Variants in NAV3 observed in about 807,000 individuals in gnomAD.
NAV3 encodes neuron navigator 3, also known as pore membrane and/or filament interacting like protein 1.
Under a neutral mutation model 244.7 loss-of-function variants are expected in NAV3, and 87 were observed. The observed-to-expected ratio is 0.36, with a 90% CI of 0.30 to 0.42. The LOEUF (loss-of-function observed/expected upper bound fraction) is 0.42. Among genes scored for constraint, NAV3 ranks in the 20% least tolerant of loss-of-function variants. The probability of loss-of-function intolerance (pLI) is 1.00; values close to 1 mark genes in which losing one functional copy is unlikely to be tolerated. For missense variants in NAV3, 2,663 were observed against 2,893.3 expected (o/e 0.92, Z 1.83); for synonymous variants, 1,126 against 1,042.2 (o/e 1.08, Z -1.55).
At chr12:77,595,681 T>G (rs1007473018) in intron 2 of NAV3, among the ~76,000 whole-genome samples, 1 of 152,144 alleles carries the variant, frequency 6.6e-6, no homozygotes, top group South Asian at 2.1e-4. Context: ...AAAGAACATA[T>G]CTTACCAATT....
intron 2 of NAV3, among the ~76,000 whole-genome samples, chr12:77,728,776 G>A (rs762328108): frequency 4.6e-5 from 7 of 151,638 alleles, no homozygotes; most frequent in Non-Finnish European, 1.0e-4. Flanking sequence ...TGAACTACAC[G>A]GGTCCACTTA....
intron 23 of NAV3, among the ~76,000 whole-genome samples, chr12:78,165,276 G>C (rs973034872): frequency 1.7e-4 from 26 of 151,932 alleles, no homozygotes; most frequent in African/African-American, 5.6e-4. Context: ...AATATGATCT[G>C]ATTATCTTAT....
intron 2 of NAV3, among the ~76,000 whole-genome samples, chr12:77,692,195 CTG>C (rs1261200545): frequency 6.6e-6 from 1 of 151,886 alleles, no homozygotes; most frequent in Non-Finnish European, 1.5e-5. Flanking sequence ...TGAAATATAT[CTG>C]TTTATACAGT....
chr12:77,603,093 A>G lies in NAV3; in HGVS notation c.72+30827A>G, dbSNP rs114210587. The stretch of plus-strand genomic sequence containing the variant: ...TCTTATTAAGGGAATGGTAAAAACA[A>G]TGTTGGGTGCACCCTGAACCTTCTG... On this transcript the variant is annotated intron_variant, in intron 2 of 8. Coordinates refer to the NAV3 transcript ENST00000550042. 4.7e-3 allele frequency among the ~76,000 whole-genome samples: 721 copies of G among 152,072 alleles called. 4 individuals are homozygous for G. Among genetic ancestry groups the G allele is most frequent in the African/African-American group, 0.017 (687 of 41,530 alleles).
At chr12:77,745,492 A>G (rs773826050) in intron 2 of NAV3, among the ~76,000 whole-genome samples, 4 of 152,060 alleles carry the variant, frequency 2.6e-5, no homozygotes, top group African/African-American at 4.8e-5. Flanking sequence ...GGACACATGG[A>G]TATGAAGATA....
At chr12:78,025,615 A>AAG (rs1877914987) in intron 9 of NAV3, among the ~76,000 whole-genome samples, 1 of 150,792 alleles carries the variant, frequency 6.6e-6, no homozygotes, top group Non-Finnish European at 1.5e-5. Flanking sequence ...AAAAAAAAAA[A>AAG]AAAAAAAAGA....
intron 5 of NAV3, among the ~76,000 whole-genome samples, chr12:77,992,166 G>T (rs1871557500): frequency 6.6e-6 from 1 of 151,964 alleles, no homozygotes; most frequent in Admixed American, 6.6e-5. Flanking sequence ...ATCTATTTGA[G>T]AATAATATCA....
At chr12:77,817,827 T>C (rs1872579753) in intron 2 of NAV3, among the ~76,000 whole-genome samples, 1 of 152,168 alleles carries the variant, frequency 6.6e-6, no homozygotes, top group Admixed American at 6.6e-5. Flanking sequence ...CTAATTTTAA[T>C]CCTCAAAGGT....
intron 2 of NAV3, among the ~76,000 whole-genome samples, chr12:77,575,015 T>G (rs1869015180): frequency 6.7e-6 from 1 of 149,254 alleles, no homozygotes; most frequent in Admixed American, 6.7e-5. Flanking sequence ...TAAATATAAT[T>G]ATCTATTCCT....
chr12:77,944,428 G>A (rs190007244), intron 3 of NAV3, among the ~76,000 whole-genome samples: 1 of 152,066 alleles, frequency 6.6e-6, no homozygotes, highest in Non-Finnish European at 1.5e-5. Flanking sequence ...GCCTGAATGG[G>A]TAAGTAATTA....
chr12:78,199,288 T>C lies in NAV3; in HGVS notation c.6519-47T>C, dbSNP rs756441837. 10 of 1,326,862 alleles carry C rather than the reference T, an allele frequency of 7.5e-6. No individual in the cohort carries two copies. The African/African-American group carries it at 1.2e-4, about 16-fold the overall frequency. The allele number at this position is 1,326,862 out of a possible 1,614,324, so 82.2% of individuals were successfully genotyped here. A position where few individuals can be genotyped will look rare whatever the true frequency, so the allele number is the denominator to read the frequency against. On this transcript the variant is annotated intron_variant, in intron 36 of 39. Coordinates refer to ENST00000397909, the MANE Select transcript of NAV3 (RefSeq NM_001024383.2). ...TAATGATAAAGAATCACTGTGAATG[T>C]AAAATTTAATTTATATAAAAATGTC...
At chr12:77,578,073 A>G (rs1869175770) in intron 2 of NAV3, among the ~76,000 whole-genome samples, 1 of 152,214 alleles carries the variant, frequency 6.6e-6, no homozygotes, top group African/African-American at 2.4e-5. Context: ...GCCGATTTAA[A>G]GATATGTTAC....
chr12:78,021,577 A>C (rs182765745), intron 8 of NAV3, among the ~76,000 whole-genome samples, 170 bp from the exon 9 acceptor site: 2 of 152,318 alleles, frequency 1.3e-5, no homozygotes, highest in African/African-American at 4.8e-5. Flanking sequence ...GTTGTGTATG[A>C]AAAATAACAC....
intron 2 of NAV3, among the ~76,000 whole-genome samples, chr12:77,766,899 C>A (rs1256355472): frequency 6.6e-6 from 1 of 151,682 alleles, no homozygotes; most frequent in African/African-American, 2.4e-5. Flanking sequence ...GGATTACGGG[C>A]ACCCACCACC....
At chr12:77,572,501 C>T (rs956573443) in intron 2 of NAV3, among the ~76,000 whole-genome samples, 3 of 152,108 alleles carry the variant, frequency 2.0e-5, no homozygotes, top group Non-Finnish European at 2.9e-5. Context: ...ACTGTGTTCT[C>T]TCACTCTTGA....
At position 77,725,697 on chromosome 12, in the gene NAV3, T is replaced by C. The variant is rs1484438245; in HGVS notation, c.72+153431T>C. On this transcript the variant is annotated intron_variant, in intron 2 of 8. Transcript: ENST00000550042. The stretch of plus-strand genomic sequence containing the variant: ...TATTGTATTAGTTTCCTGTTGTTGC[T>C]ATAACAAAATATCACAAACTTGATG... 2.6e-5 allele frequency among the ~76,000 whole-genome samples: 4 copies of C among 152,006 alleles called. No homozygotes were observed. The East Asian group carries it at 7.7e-4, about 29-fold the overall frequency.
Position 77,798,869 on chromosome 12 carries a change from C to T in NAV3, c.73-141450C>T, listed in dbSNP as rs143716963. Among the ~76,000 whole-genome samples, 15 of 152,236 alleles carry T rather than the reference C, an allele frequency of 9.9e-5. No individual in the cohort carries two copies. In the South Asian group the frequency reaches 1.0e-3, roughly 11 times the overall value. On this transcript the variant is annotated intron_variant, in intron 2 of 8. Transcript: ENST00000550042. ...ACCCAAATGAGTAATTTAGAAATTA[C>T]GTATTTGGAGGAGAAATACTGTGTT...
intron 7 of NAV3, 152 bp downstream of exon 7, chr12:77,998,628 C>A: frequency 1.4e-6 from 1 of 695,200 alleles, no homozygotes; most frequent in Non-Finnish European, 2.2e-6. Flanking sequence ...CTCCTGACTG[C>A]CAGCTTTCTT....
At chr12:77,967,805 G>A (rs1196320113) in intron 4 of NAV3, among the ~76,000 whole-genome samples, 1 of 151,812 alleles carries the variant, frequency 6.6e-6, no homozygotes, top group Non-Finnish European at 1.5e-5. Flanking sequence ...AAGGATTTCT[G>A]CTTATTCAAT....
Sources: gnomAD v4.1 joint callset for allele counts (sites outside exome capture counted in the v4.1 genomes callset) on GRCh38, gnomAD v4.1.1 for gene constraint, MANE v1.5 for transcripts, NCBI Gene and HGNC (gene_info 2026-07-23, HGNC 2026-07-21) for gene names.